UVRAG: variants seen among roughly 807,000 people sequenced by gnomAD.
UVRAG encodes UV radiation resistance associated.
A neutral mutation model predicts 78.0 loss-of-function variants in UVRAG; 19 were observed. That is an observed-to-expected ratio of 0.24 (90% CI 0.17 to 0.36). UVRAG has a LOEUF of 0.36. UVRAG is among the 10% of genes least tolerant of loss of function. The pLI, the probability that UVRAG is intolerant of heterozygous loss-of-function variation, is 1.00. For synonymous variants in UVRAG, 323 were observed against 324.6 expected (o/e 1.00, Z 0.05); for missense variants, 740 against 853.8 (o/e 0.87, Z 1.66).
At chr11:76,111,046 G>A (rs1952059074) in intron 13 of UVRAG, among the ~76,000 whole-genome samples, 1 of 151,846 alleles carries the variant, frequency 6.6e-6, no homozygotes, top group African/African-American at 2.4e-5. Context: ...TAGAGATGAG[G>A]TCTCACCATG....
chr11:75,916,936 C>G (rs144721075), intron 6 of UVRAG, among the ~76,000 whole-genome samples: 5 of 152,256 alleles, frequency 3.3e-5, no homozygotes, highest in Admixed American at 6.5e-5. Flanking sequence ...TGAAAAATAC[C>G]TCAAGCACCA....
intron 12 of UVRAG, among the ~76,000 whole-genome samples, chr11:76,038,014 A>C (rs764425986): frequency 6.6e-6 from 1 of 152,166 alleles, no homozygotes; most frequent in Non-Finnish European, 1.5e-5. Flanking sequence ...TTTTATTTTC[A>C]AAGTATTTAG....
intron 6 of UVRAG, chr11:75,930,955 C>CTTTCTTTCTTTA (rs1948225634): frequency 6.7e-6 from 1 of 149,768 alleles, no homozygotes; most frequent in Non-Finnish European, 1.5e-5. Flanking sequence ...TTCTTTCTTT[C>CTTTCTTTCTTTA]TTTCTTTCTT....
chr11:76,063,196 T>G (rs180741614), intron 12 of UVRAG, among the ~76,000 whole-genome samples: 2 of 152,350 alleles, frequency 1.3e-5, no homozygotes, highest in East Asian at 3.9e-4. Flanking sequence ...AAATAAAATT[T>G]CTGCCCTCTT....
At chr11:75,826,324 T>TA (rs1945510714) in intron 1 of UVRAG, among the ~76,000 whole-genome samples, 1 of 151,784 alleles carries the variant, frequency 6.6e-6, no homozygotes, top group Admixed American at 6.6e-5. Context: ...CCCACCTAAT[T>TA]TTTTGTATCT....
intron 7 of UVRAG, among the ~76,000 whole-genome samples, chr11:75,981,980 T>C (rs1361472524): frequency 2.0e-5 from 3 of 152,222 alleles, no homozygotes; most frequent in Non-Finnish European, 2.9e-5. Context: ...CATTTTTATG[T>C]TGGCTACTTT....
intron 14 of UVRAG, among the ~76,000 whole-genome samples, chr11:76,117,639 G>A (rs7942870): frequency 0.12 from 18,390 of 152,102 alleles, 2,797 homozygotes; most frequent in African/African-American, 0.36. Context: ...ACTCAAAATT[G>A]AACTTATCCT....
At chr11:75,953,410 T>C (rs1168024218) in intron 6 of UVRAG, among the ~76,000 whole-genome samples, 1 of 152,184 alleles carries the variant, frequency 6.6e-6, no homozygotes, top group Non-Finnish European at 1.5e-5. Flanking sequence ...TCATATGAAA[T>C]ACAAAACCAT....
chr11:75,918,642 C>A (rs554409722), intron 6 of UVRAG, among the ~76,000 whole-genome samples: 1 of 152,142 alleles, frequency 6.6e-6, no homozygotes, highest in Non-Finnish European at 1.5e-5. Context: ...TCTCAACACC[C>A]CCAAACTGAG....
intron 3 of UVRAG, among the ~76,000 whole-genome samples, chr11:75,877,321 A>G (rs1946811513): frequency 6.6e-6 from 1 of 152,156 alleles, no homozygotes; most frequent in South Asian, 2.1e-4. Flanking sequence ...CTATTCCACA[A>G]AACCGCCATT....
At chr11:75,908,278 T>G (rs1050635181) in intron 5 of UVRAG, among the ~76,000 whole-genome samples, 1 of 152,236 alleles carries the variant, frequency 6.6e-6, no homozygotes, top group South Asian at 2.1e-4. Flanking sequence ...GTGAATAATA[T>G]TTCCTTGTAT....
At chr11:75,960,986 TG>T (rs1039480697) in intron 6 of UVRAG, among the ~76,000 whole-genome samples, 9 of 152,162 alleles carry the variant, frequency 5.9e-5, no homozygotes, top group African/African-American at 1.9e-4. Context: ...TTGAGAGTGC[TG>T]TCTGCTTTGA....
intron 11 of UVRAG, chr11:76,012,783 T>TA (rs549553826): frequency 2.2e-4 from 32 of 144,150 alleles, no homozygotes; most frequent in Admixed American, 4.2e-4. Flanking sequence ...ACATTTAGCT[T>TA]AAAAAAAAAA....
intron 13 of UVRAG, among the ~76,000 whole-genome samples, chr11:76,087,471 G>A (rs972862070): frequency 2.6e-5 from 4 of 152,062 alleles, no homozygotes; most frequent in Non-Finnish European, 5.9e-5. Context: ...CAATGTAAAT[G>A]GCTAAAATAC....
At chr11:75,888,275 A>C (rs1412691461) in intron 4 of UVRAG, among the ~76,000 whole-genome samples, 1 of 152,024 alleles carries the variant, frequency 6.6e-6, no homozygotes, top group African/African-American at 2.4e-5. Flanking sequence ...CTGGGACCAC[A>C]GGCGTGCACC....
At chr11:76,112,159 C>G (rs969472468) in intron 13 of UVRAG, among the ~76,000 whole-genome samples, 3 of 151,872 alleles carry the variant, frequency 2.0e-5, no homozygotes, top group Non-Finnish European at 4.4e-5. Flanking sequence ...TTTCAGAATA[C>G]TAAGGTTAAA....
chr11:76,010,478 C>A (rs1591128975), intron 11 of UVRAG, among the ~76,000 whole-genome samples: 1 of 152,182 alleles, frequency 6.6e-6, no homozygotes, highest in Non-Finnish European at 1.5e-5. Context: ...TAAAAGGAGC[C>A]AACTATGCTA....
intron 2 of UVRAG, among the ~76,000 whole-genome samples, chr11:75,856,029 G>A (rs1050278937): frequency 5.9e-5 from 9 of 151,902 alleles, no homozygotes; most frequent in East Asian, 1.9e-4. Flanking sequence ...TCACTCTGTC[G>A]CCCAGGCTGG....
At chr11:75,945,299 C>T (rs1181354984) in intron 6 of UVRAG, among the ~76,000 whole-genome samples, 41 of 151,944 alleles carry the variant, frequency 2.7e-4, no homozygotes, top group Admixed American at 2.7e-3. Context: ...TTACTGAAGG[C>T]CTCTATATAC....
Sources: gnomAD v4.1 joint callset for allele counts (sites outside exome capture counted in the v4.1 genomes callset) on GRCh38, gnomAD v4.1.1 for gene constraint, MANE v1.5 for transcripts, NCBI Gene and HGNC (gene_info 2026-07-23, HGNC 2026-07-21) for gene names.